The following SLC8A3 variants were observed in gnomAD, a reference collection of about 807,000 sequenced individuals.
SLC8A3 encodes sodium/calcium exchanger 3.
Under a neutral mutation model 65.4 loss-of-function variants are expected in SLC8A3, and 37 were observed. The observed-to-expected ratio is 0.57, with a 90% CI of 0.44 to 0.74. The LOEUF is 0.74. Among genes scored for constraint, SLC8A3 ranks in the 30% least tolerant of loss-of-function variants. The probability of loss-of-function intolerance (pLI) is 0.00; values close to 1 mark genes in which losing one functional copy is unlikely to be tolerated. For synonymous variants in SLC8A3, 461 were observed against 444.5 expected (o/e 1.04, Z -0.47); for missense variants, 1,112 against 1,172.1 (o/e 0.95, Z 0.75).
chr14:70,137,792 T>TG (rs1425843754), intron 2 of SLC8A3, among the ~76,000 whole-genome samples: 1 of 150,814 alleles, frequency 6.6e-6, no homozygotes, highest in Non-Finnish European at 1.5e-5. Context: ...GTGCCTTTTT[T>TG]TTTTTTTTTT....
intron 2 of SLC8A3, among the ~76,000 whole-genome samples, chr14:70,157,216 T>C (rs1896625932): frequency 6.6e-6 from 1 of 152,194 alleles, no homozygotes; most frequent in Non-Finnish European, 1.5e-5. Context: ...GACCTTAGAA[T>C]GTGTGCCAGT....
chr14:70,125,057 C>A (rs1894350258), intron 2 of SLC8A3, among the ~76,000 whole-genome samples: 1 of 152,152 alleles, frequency 6.6e-6, no homozygotes, highest in African/African-American at 2.4e-5. Flanking sequence ...AGGAGATACT[C>A]AATAAATATT....
At chr14:70,168,507 G>C in intron 1 of SLC8A3, 23 bp from the exon 2 acceptor site, 3 of 1,099,386 alleles carry the variant, frequency 2.7e-6, no homozygotes, top group Non-Finnish European at 3.9e-6. Flanking sequence ...AGAGAGGCAG[G>C]AAAAGGCATG....
intron 2 of SLC8A3, among the ~76,000 whole-genome samples, chr14:70,143,526 C>A (rs1895707462): frequency 6.6e-6 from 1 of 152,118 alleles, no homozygotes; most frequent in African/African-American, 2.4e-5. Flanking sequence ...ATCAGAATCA[C>A]CTGGAGTGCT....
intron 2 of SLC8A3, among the ~76,000 whole-genome samples, chr14:70,142,323 C>T (rs1428118693): frequency 6.6e-6 from 1 of 152,206 alleles, no homozygotes; most frequent in Non-Finnish European, 1.5e-5. Flanking sequence ...TATGATCGTT[C>T]AGATTCAGGT....
chr14:70,184,034 G>A (rs1327207592), intron 1 of SLC8A3, among the ~76,000 whole-genome samples: 1 of 152,086 alleles, frequency 6.6e-6, no homozygotes, highest in Non-Finnish European at 1.5e-5. Flanking sequence ...ATCTTCACAT[G>A]TTCTCTAATA....
intron 2 of SLC8A3, among the ~76,000 whole-genome samples, chr14:70,128,270 T>C (rs1894609916): frequency 6.6e-6 from 1 of 152,192 alleles, no homozygotes; most frequent in African/African-American, 2.4e-5. Context: ...TGGACACAAC[T>C]GCTGCAAAAC....
Position 70,138,466 on chromosome 14 carries a change from G to A in SLC8A3, c.1784+28173C>T, listed in dbSNP as rs557107253. 2.0e-5 allele frequency among the ~76,000 whole-genome samples: 3 copies of A among 152,330 alleles called. No homozygotes were observed. In the East Asian group the frequency reaches 5.8e-4, roughly 29 times the overall value. On this transcript the variant is annotated intron_variant, in intron 2 of 6. Transcript: ENST00000356921. ...ATGTGACAGATGCTTCTTTGAACCA[G>A]TGGTTTCTTCCTGCTCTGAACTCAT... is the stretch of plus-strand genomic sequence containing the variant.
At chr14:70,059,060 T>G (rs927872303) in intron 3 of SLC8A3, 1 of 152,260 alleles carries the variant, frequency 6.6e-6, no homozygotes, top group Non-Finnish European at 1.5e-5. Flanking sequence ...AGAGATAATT[T>G]CTTTCTTCCA....
At chr14:70,048,613 T>C (rs1312562972) in intron 6 of SLC8A3, 154 bp downstream of exon 6, 1 of 725,336 alleles carries the variant, frequency 1.4e-6, no homozygotes, top group African/African-American at 1.7e-5. Flanking sequence ...CTAATGTCAT[T>C]ATTCATCTCT....
At chr14:70,160,112 C>T (rs1014149657) in intron 2 of SLC8A3, among the ~76,000 whole-genome samples, 4 of 152,146 alleles carry the variant, frequency 2.6e-5, no homozygotes, top group Non-Finnish European at 5.9e-5. Context: ...ATAACATTTA[C>T]ATTGTATTAG....
In SLC8A3 at chr14:70,057,506, C is replaced by T. The variant is rs537753834; in HGVS notation, c.1888+3330G>A. Among the ~76,000 whole-genome samples, 7 of 152,264 alleles carry T rather than the reference C, an allele frequency of 4.6e-5. No individual in the cohort carries two copies. The South Asian group carries it at 1.0e-3, about 23-fold the overall frequency. On this transcript the variant is annotated intron_variant, in intron 3 of 6. Coordinates refer to ENST00000356921, the MANE Select transcript of SLC8A3 (RefSeq NM_182932.3). ...CCTGGTTTTCACTCATACATGCCAC[C>T]GAACATCTGGCCCATCCCTAGAGTA...
At chr14:70,123,801 T>C (rs185879872) in intron 2 of SLC8A3, among the ~76,000 whole-genome samples, 76 of 152,298 alleles carry the variant, frequency 5.0e-4, no homozygotes, top group Admixed American at 2.0e-4. Context: ...TACAAAGTAG[T>C]GTTATCCAAC....
At chr14:70,153,636 T>C (rs552615257) in intron 2 of SLC8A3, among the ~76,000 whole-genome samples, 1 of 152,336 alleles carries the variant, frequency 6.6e-6, no homozygotes, top group East Asian at 1.9e-4. Context: ...CTTTCTTCCC[T>C]GTGCTTAGCC....
In SLC8A3 at chr14:70,060,900, G is replaced by A. The variant is rs764674310; in HGVS notation, c.1824C>T (p.Tyr608=). The A allele has an allele frequency of 1.8e-5, 28 of 1,523,068 alleles. No individual in the cohort carries two copies. Among genetic ancestry groups the A allele is most frequent in the East Asian group, 2.2e-5 (1 of 44,492 alleles). The allele number at this position is 1,523,068 out of a possible 1,614,324, so 94.3% of individuals were successfully genotyped here. A position where few individuals can be genotyped will look rare whatever the true frequency, so the allele number is the denominator to read the frequency against. Residue 608 remains tyrosine, a synonymous_variant, in exon 3 of 7, where the codon TAC becomes TAT. Coordinates refer to ENST00000356921, the MANE Select transcript of SLC8A3 (RefSeq NM_182932.3). ...IRVKIVDEEE[Y]ERQENFFIAL... ...CAATGAAGAAATTCTCTTGCCTTTC[G>A]TATTCCTCCTCATCTACTATTTTAA...
intron 2 of SLC8A3, among the ~76,000 whole-genome samples, chr14:70,127,178 G>A (rs576937902): frequency 6.6e-6 from 1 of 151,346 alleles, no homozygotes; most frequent in East Asian, 1.9e-4. Context: ...GAAAGGATTG[G>A]GGGTAGGGGT....
At chr14:70,185,871 T>C (rs893145600) in intron 1 of SLC8A3, among the ~76,000 whole-genome samples, 1 of 152,242 alleles carries the variant, frequency 6.6e-6, no homozygotes, top group African/African-American at 2.4e-5. Context: ...GTCCATTCTA[T>C]TTTATTTGCA....
intron 2 of SLC8A3, among the ~76,000 whole-genome samples, chr14:70,098,338 C>A (rs1324416045): frequency 6.6e-6 from 1 of 152,180 alleles, no homozygotes; most frequent in African/African-American, 2.4e-5. Flanking sequence ...ACAGTCACCT[C>A]CCCCTTTCCC....
At position 70,108,506 on chromosome 14, in the gene SLC8A3, T is replaced by C. The variant is rs147975730; in HGVS notation, c.1785-47567A>G. Among the ~76,000 whole-genome samples, 50 of 152,296 alleles carry C rather than the reference T, an allele frequency of 3.3e-4. 1 individual carries two copies. The East Asian group carries it at 9.5e-3, about 29-fold the overall frequency. On this transcript the variant is annotated intron_variant, in intron 2 of 6. Transcript: ENST00000356921. ...CCCTGTCCTCACAAGCCAATTTCTT[T>C]TGCTGCTTCGTCTCCCCTTAGACTC...
Sources: gnomAD v4.1 joint callset for allele counts (sites outside exome capture counted in the v4.1 genomes callset) on GRCh38, gnomAD v4.1.1 for gene constraint, MANE v1.5 for transcripts, NCBI Gene and HGNC (gene_info 2026-07-23, HGNC 2026-07-21) for gene names.